The following FYN variants were observed in gnomAD, a reference collection of about 807,000 sequenced individuals.
The protein encoded by FYN is tyrosine-protein kinase Fyn.
FYN carries 10 observed loss-of-function variants against 70.2 expected under a neutral mutation model. The observed-to-expected ratio is 0.14, with a 90% confidence interval of 0.09 to 0.24. The LOEUF is 0.24. Among genes scored for constraint, FYN ranks in the 10% least tolerant of loss-of-function variants. The probability of loss-of-function intolerance (pLI) is 1.00; values close to 1 mark genes in which losing one functional copy is unlikely to be tolerated. For synonymous variants in FYN, 236 were observed against 248.6 expected, an observed-to-expected ratio of 0.95 and a Z score of 0.48; for missense variants, 319 against 673.1, an observed-to-expected ratio of 0.47 and a Z score of 5.82.
At chr6:111,785,046 A>G (rs1771312864) in intron 2 of FYN, among the ~76,000 whole-genome samples, 1 of 152,232 alleles carries the variant, frequency 6.6e-6, no homozygotes, top group East Asian at 1.9e-4. Context: ...CCACAAGAGC[A>G]TATTTCTGGG....
At chr6:111,866,810 C>T (rs1774121024) in intron 1 of FYN, among the ~76,000 whole-genome samples, 1 of 152,184 alleles carries the variant, frequency 6.6e-6, no homozygotes. Flanking sequence ...GGCCTGTGCC[C>T]ATGAAAAACC....
chr6:111,774,877 T>G (rs543866484), intron 3 of FYN, among the ~76,000 whole-genome samples: 1 of 152,030 alleles, frequency 6.6e-6, no homozygotes, highest in Non-Finnish European at 1.5e-5. Flanking sequence ...TGCCACCACA[T>G]CCGGCTAACT....
chr6:111,795,197 C>T (rs1583451800), intron 2 of FYN, among the ~76,000 whole-genome samples: 1 of 151,424 alleles, frequency 6.6e-6, no homozygotes, highest in East Asian at 1.9e-4. Flanking sequence ...TATTTGCAGA[C>T]AGGCCTTTAA....
intron 2 of FYN, among the ~76,000 whole-genome samples, chr6:111,838,152 T>C (rs987971160): frequency 6.6e-6 from 1 of 152,146 alleles, no homozygotes; most frequent in African/African-American, 2.4e-5. Context: ...CTCATCTGAA[T>C]GCAAGATTCC....
At chr6:111,802,664 A>G (rs907887959) in intron 2 of FYN, among the ~76,000 whole-genome samples, 5 of 151,952 alleles carry the variant, frequency 3.3e-5, no homozygotes, top group African/African-American at 1.2e-4. Context: ...CCTGACCTCA[A>G]GTGATCCGCC....
intron 2 of FYN, among the ~76,000 whole-genome samples, chr6:111,824,695 G>A (rs1772778107): frequency 6.6e-6 from 1 of 152,016 alleles, no homozygotes; most frequent in African/African-American, 2.4e-5. Context: ...CTTAGGTTTG[G>A]GTTTAGCTAT....
chr6:111,744,508 C>T (rs894629534), intron 3 of FYN, among the ~76,000 whole-genome samples: 9 of 152,202 alleles, frequency 5.9e-5, no homozygotes, highest in African/African-American at 2.2e-4. Flanking sequence ...TCTGTTTTTG[C>T]TGGAGATCGG....
intron 3 of FYN, among the ~76,000 whole-genome samples, chr6:111,743,890 C>A (rs990454017): frequency 1.3e-5 from 2 of 152,090 alleles, no homozygotes; most frequent in African/African-American, 4.8e-5. Flanking sequence ...CAATAAAATG[C>A]AAAGGATTTC....
chr6:111,729,997 A>G (rs1461474175), intron 3 of FYN, among the ~76,000 whole-genome samples: 1 of 152,230 alleles, frequency 6.6e-6, no homozygotes, highest in African/African-American at 2.4e-5. Context: ...GTAAGTTGAA[A>G]CAACTACACA....
At chr6:111,841,949 G>A (rs1236926126) in intron 2 of FYN, among the ~76,000 whole-genome samples, 2 of 151,918 alleles carry the variant, frequency 1.3e-5, no homozygotes, top group South Asian at 2.1e-4. Flanking sequence ...GATTGCCTTT[G>A]AGTCTAAAAC....
At chr6:111,689,853 G>T (rs1478364617) in intron 12 of FYN, among the ~76,000 whole-genome samples, 1 of 152,060 alleles carries the variant, frequency 6.6e-6, no homozygotes, top group Non-Finnish European at 1.5e-5. Flanking sequence ...GTGGATTCAG[G>T]GGCATATATG....
chr6:111,814,914 A>T (rs984136888), intron 2 of FYN, among the ~76,000 whole-genome samples: 2 of 152,228 alleles, frequency 1.3e-5, no homozygotes, highest in Non-Finnish European at 2.9e-5. Flanking sequence ...AAAAATTGTA[A>T]AATGTAATTC....
intron 12 of FYN, among the ~76,000 whole-genome samples, chr6:111,686,348 C>T (rs1008878152): frequency 4.6e-5 from 7 of 152,118 alleles, no homozygotes; most frequent in African/African-American, 1.2e-4. Context: ...ACAAGCAGCA[C>T]GGTTCAGGCA....
rs538068390 is a variant in FYN at position 111,696,332 on chromosome 6, G to A, written c.987C>T (p.Leu329=). The change falls in exon 10 of 14, where the codon CTC becomes CTT. Residue 329 remains leucine, a synonymous_variant. Transcript: ENST00000354650. ...TGGGCTCCTCAGACACCACTGCATA[G>A]AGCTGGACCAGCTTGTCGTGCTTCA... is the stretch of plus-strand genomic sequence containing the variant. ...KKLKHDKLVQ[L]YAVVSEEPIY... The A allele has an allele frequency of 1.2e-6, 2 of 1,613,910 alleles. No homozygotes were observed. Among genetic ancestry groups the A allele is most frequent in the South Asian group, 2.2e-5 (2 of 90,960 alleles).
chr6:111,746,806 CAG>C (rs1384290367), intron 3 of FYN, among the ~76,000 whole-genome samples: 2 of 150,282 alleles, frequency 1.3e-5, no homozygotes, highest in Admixed American at 6.6e-5. Flanking sequence ...TTAGGACAAA[CAG>C]AGAGAGGGTA....
chr6:111,750,569 G>A (rs1054717888), intron 3 of FYN, among the ~76,000 whole-genome samples: 3 of 152,110 alleles, frequency 2.0e-5, no homozygotes, highest in African/African-American at 7.2e-5. Context: ...ATAAATGCCT[G>A]TAATAGAGGT....
intron 6 of FYN, among the ~76,000 whole-genome samples, chr6:111,705,497 C>T (rs1800039649): frequency 6.6e-6 from 1 of 151,940 alleles, no homozygotes; most frequent in Admixed American, 6.5e-5. Context: ...AGCAATCTTC[C>T]TACCTCAGCC....
chr6:111,681,225 A>C (rs1246415258), intron 12 of FYN, among the ~76,000 whole-genome samples: 5 of 151,932 alleles, frequency 3.3e-5, no homozygotes, highest in African/African-American at 9.7e-5. Flanking sequence ...GCGGTGTTTC[A>C]CCATATTGGT....
chr6:111,676,984 G>A (rs1798553850), intron 12 of FYN, among the ~76,000 whole-genome samples: 1 of 152,040 alleles, frequency 6.6e-6, no homozygotes, highest in Non-Finnish European at 1.5e-5. Flanking sequence ...CTACAATAAG[G>A]ATTATAATAT....
Sources: gnomAD v4.1 joint callset for allele counts (sites outside exome capture counted in the v4.1 genomes callset) on GRCh38, gnomAD v4.1.1 for gene constraint, MANE v1.5 for transcripts, NCBI Gene and HGNC (gene_info 2026-07-23, HGNC 2026-07-21) for gene names.